LRPPRC: variants seen among roughly 807,000 people sequenced by gnomAD.
LRPPRC encodes the protein leucine rich pentatricopeptide repeat containing.
In LRPPRC, 120 loss-of-function variants were observed where a neutral mutation model predicts 180.3. The observed-to-expected ratio is 0.67, with a 90% CI of 0.57 to 0.77. The LOEUF (loss-of-function observed/expected upper bound fraction) is 0.77. Among genes scored for constraint, LRPPRC ranks in the 30% least tolerant of loss-of-function variants. The pLI is 0.00. For synonymous variants in LRPPRC, 723 were observed against 600.0 expected, an observed-to-expected ratio of 1.21 and a Z score of -3.00; for missense variants, 2,012 against 1,657.2, an observed-to-expected ratio of 1.21 and a Z score of -3.72.
rs1671487067 is a variant in LRPPRC, at chr2:43,916,868, C to G, written c.3148+1157G>C. On this transcript the variant is annotated intron_variant, in intron 29 of 37. Transcript: ENST00000260665. The stretch of plus-strand genomic sequence containing the variant: ...ACTGAGGTAGGATAACTGCTTAAGC[C>G]CACGAGGCGGGGGCTGCAATGAACC... 2.7e-5 allele frequency among the ~76,000 whole-genome samples: 4 copies of G among 150,300 alleles called. No individual in the cohort carries two copies. The South Asian group carries it at 8.4e-4, about 32-fold the overall frequency.
chr2:43,943,582 T>C (rs2105077065), intron 23 of LRPPRC, 105 bp downstream of exon 23: 1 of 946,578 alleles, frequency 1.1e-6, no homozygotes, highest in South Asian at 1.4e-5. Flanking sequence ...GTAAATGACC[T>C]CCAAGGCTTC....
intron 3 of LRPPRC, among the ~76,000 whole-genome samples, chr2:43,979,276 T>C (rs1572573240): frequency 6.6e-6 from 1 of 152,270 alleles, no homozygotes; most frequent in Admixed American, 6.5e-5. Context: ...AATGGTATCA[T>C]TCTATACATA....
Position 43,950,555 on chromosome 2 carries a change from A to T in LRPPRC, c.1677+18T>A, listed in dbSNP as rs779816604. On this transcript the variant is annotated intron_variant, in intron 15 of 37. Transcript: ENST00000260665. ...ACGTTAAAAGCACCTTATGATTTGC[A>T]ATATTAGAGGGACTTACCTCGCTCC... 2.5e-6 allele frequency: 4 copies of T among 1,607,020 alleles called. No individual in the cohort carries two copies. The South Asian group carries it at 4.4e-5, about 18-fold the overall frequency.
chr2:43,976,574 T>A (rs1440084151), intron 5 of LRPPRC, among the ~76,000 whole-genome samples: 1 of 152,108 alleles, frequency 6.6e-6, no homozygotes, highest in Non-Finnish European at 1.5e-5. Flanking sequence ...TCCCTTATTT[T>A]CCAAACCTTC....
At chr2:43,945,556 CTTT>C in intron 21 of LRPPRC, 139 bp from the exon 22 acceptor site, 1 of 675,840 alleles carries the variant, frequency 1.5e-6, no homozygotes, top group Non-Finnish European at 2.7e-6. Context: ...GTTAGGATTT[CTTT>C]TTGAAGCCAT....
chr2:43,974,174 T>G lies in LRPPRC; in HGVS notation c.1131A>C (p.Leu377Phe). 1 of 1,613,922 alleles carries G rather than the reference T, an allele frequency of 6.2e-7. No homozygotes were observed. Among genetic ancestry groups the G allele is most frequent in the Admixed American group, 1.7e-5 (1 of 60,024 alleles). Residue 377 changes from leucine to phenylalanine, a missense_variant, in exon 9 of 38, where the codon TTA becomes TTC. Coordinates refer to ENST00000260665, the MANE Select transcript of LRPPRC (RefSeq NM_133259.4). ...CCGTATTCATAGTCACACAGTGTTG[T>G]AAAAAGAAACTGCCAAAGACACTTG... is the stretch of plus-strand genomic sequence containing the variant. ...DGPSVFGSFFLQHCVTMNTPV... is the reference protein window; with the variant it reads ...DGPSVFGSFFFQHCVTMNTPV...
Position 43,905,779 on chromosome 2 carries a change from C to T in LRPPRC, c.3277G>A (p.Ala1093Thr), listed in dbSNP as rs200611889. Reference protein sequence around the residue: ...FTQAMEVKAFAETHIKGFTLN... With the variant: ...FTQAMEVKAFTETHIKGFTLN... ...GTGAAGCCCTTGATGTGGGTCTCCGCGCTAAAAGAAGCAGACATTTAGAAA... is the reference window on the plus strand; with the variant it reads ...GTGAAGCCCTTGATGTGGGTCTCCGTGCTAAAAGAAGCAGACATTTAGAAA... Residue 1093 changes from alanine (A) to threonine (T), a missense_variant and splice_region_variant, in exon 31 of 38, where the codon GCG becomes ACG. Ala to Thr is a moderately conservative substitution (Grantham distance 58). Transcript: ENST00000260665. The T allele has an allele frequency of 2.1e-5, 33 of 1,600,950 alleles. No individual in the cohort carries two copies. Among genetic ancestry groups the T allele is most frequent in the Admixed American group, 8.3e-5 (5 of 59,980 alleles).
chr2:43,962,740 G>C (rs974126500), intron 12 of LRPPRC, among the ~76,000 whole-genome samples: 1 of 152,100 alleles, frequency 6.6e-6, no homozygotes, highest in African/African-American at 2.4e-5. Context: ...AAGAGAGAGA[G>C]ACAGAAAGAC....
At chr2:43,920,146 T>TA (rs1377742396) in intron 27 of LRPPRC, among the ~76,000 whole-genome samples, 2 of 151,224 alleles carry the variant, frequency 1.3e-5, no homozygotes, top group Non-Finnish European at 1.5e-5. Flanking sequence ...AGCCTATATA[T>TA]TTTTTTTGAG....
intron 13 of LRPPRC, chr2:43,959,005 A>G (rs1673231578): frequency 2.0e-6 from 1 of 490,888 alleles, no homozygotes; most frequent in Admixed American, 3.6e-5. Context: ...GTTTTTATTC[A>G]TTAAAAAGAT....
intron 25 of LRPPRC, among the ~76,000 whole-genome samples, chr2:43,927,058 A>G (rs1173899056): frequency 6.6e-6 from 1 of 152,222 alleles, no homozygotes; most frequent in Non-Finnish European, 1.5e-5. Context: ...AAACCATTTC[A>G]ACATAATTCC....
At position 43,891,027 on chromosome 2, in the gene LRPPRC, G is replaced by A. The variant is rs552247916; in HGVS notation, c.3986-1151C>T. 1.8e-4 allele frequency among the ~76,000 whole-genome samples: 27 copies of A among 152,334 alleles called. No individual in the cohort carries two copies. The South Asian group carries it at 5.4e-3, about 30-fold the overall frequency. On this transcript the variant is annotated intron_variant, in intron 36 of 37. Coordinates refer to ENST00000260665, the MANE Select transcript of LRPPRC (RefSeq NM_133259.4). ...GGAACCCCTAAGACAGAGGTGAGAC[G>A]TTCAGCAATCAAAGAGTCTCCCAAA...
chr2:43,902,478 T>C (rs180773680), intron 31 of LRPPRC: 2 of 152,212 alleles, frequency 1.3e-5, no homozygotes, highest in Non-Finnish European at 2.9e-5. Flanking sequence ...ACAGCTTAGT[T>C]TTACAGAAAA....
intron 21 of LRPPRC, 121 bp from the exon 22 acceptor site, chr2:43,945,538 A>G (rs1316526238): frequency 2.8e-6 from 2 of 701,884 alleles, no homozygotes; most frequent in Non-Finnish European, 5.2e-6. Context: ...GTTGGCCTCT[A>G]CGCTTCAGTT....
chr2:43,992,582 G>C (rs538430445), intron 1 of LRPPRC, among the ~76,000 whole-genome samples: 74 of 152,304 alleles, frequency 4.9e-4, no homozygotes, highest in African/African-American at 1.7e-3. Flanking sequence ...CAAATTATCA[G>C]GGAGACTAGG....
intron 13 of LRPPRC, 34 bp from the exon 14 acceptor site, chr2:43,957,485 A>G (rs759037479): frequency 2.6e-6 from 4 of 1,520,752 alleles, no homozygotes; most frequent in Non-Finnish European, 3.7e-6. Flanking sequence ...TAAATCTCAG[A>G]CCAAACAAAT....
At chr2:43,940,544 G>C (rs940185206) in intron 23 of LRPPRC, among the ~76,000 whole-genome samples, 1 of 152,054 alleles carries the variant, frequency 6.6e-6, no homozygotes, top group African/African-American at 2.4e-5. Context: ...TACATATACA[G>C]ATTATAACAC....
At chr2:43,939,818 C>G (rs554036007) in intron 23 of LRPPRC, among the ~76,000 whole-genome samples, 2 of 152,166 alleles carry the variant, frequency 1.3e-5, no homozygotes, top group Non-Finnish European at 2.9e-5. Flanking sequence ...AACATGCGTT[C>G]GGAACAGCAC....
chr2:43,968,205 AT>A (rs1211978019), intron 11 of LRPPRC, among the ~76,000 whole-genome samples: 2 of 152,192 alleles, frequency 1.3e-5, no homozygotes, highest in African/African-American at 4.8e-5. Context: ...CTGAGCCATA[AT>A]TTGGTGGCTT....
Sources: gnomAD v4.1 joint callset for allele counts (sites outside exome capture counted in the v4.1 genomes callset) on GRCh38, gnomAD v4.1.1 for gene constraint, MANE v1.5 for transcripts, NCBI Gene and HGNC (gene_info 2026-07-23, HGNC 2026-07-21) for gene names.